TJP3: variants seen among roughly 807,000 people sequenced by gnomAD.
The protein encoded by TJP3 is tight junction protein 3, also known as tight junction protein ZO-3.
Under a neutral mutation model 104.2 loss-of-function variants are expected in TJP3, and 85 were observed. The observed-to-expected ratio is 0.82, with a 90% CI of 0.68 to 0.98. TJP3 has a LOEUF of 0.98. Among genes scored for constraint, TJP3 ranks in the 50% least tolerant of loss-of-function variants. The pLI is 0.00. For synonymous variants in TJP3, 550 were observed against 550.6 expected (o/e 1.00, Z 0.02); for missense variants, 1,367 against 1,322.8 (o/e 1.03, Z -0.52).
At chr19:3,728,289 G>C (rs1428273770) in intron 1 of TJP3, 135 bp from the exon 2 acceptor site, 1 of 1,379,424 alleles carries the variant, frequency 7.2e-7, no homozygotes. Flanking sequence ...GAGGCCCTGA[G>C]AGAGGTAGTA....
chr19:3,737,119 A>G (rs1431829809), intron 11 of TJP3, among the ~76,000 whole-genome samples: 1 of 151,946 alleles, frequency 6.6e-6, no homozygotes, highest in African/African-American at 2.4e-5. Context: ...GCCTCAAGTG[A>G]TGCACCCGCC....
In TJP3 at chr19:3,728,454, G is replaced by C. The variant is rs1240897031; in HGVS notation, c.22G>C (p.Glu8Gln). 1 of 1,613,802 alleles carries C rather than the reference G, an allele frequency of 6.2e-7. No individual in the cohort carries two copies. The highest frequency in any genetic ancestry group is 1.7e-5 in the Admixed American group (1 of 59,936). The stretch of plus-strand genomic sequence containing the variant: ...TGACATGGAGGAGCTGACCATCTGG[G>C]AACAGCACACGGCCACACTGTCCAA... MEELTIW[E>Q]QHTATLSKDP... Residue 8 changes from glutamate to glutamine, a missense_variant, in exon 2 of 21, where the codon GAA (glutamate) becomes CAA (glutamine). Coordinates refer to ENST00000541714, the MANE Select transcript of TJP3 (RefSeq NM_001267560.2).
chr19:3,741,581 C>T (rs534682653), intron 14 of TJP3, among the ~76,000 whole-genome samples: 30 of 144,882 alleles, frequency 2.1e-4, no homozygotes, highest in African/African-American at 5.6e-4. Context: ...GAGCTATGAT[C>T]GCACCACTGC....
chr19:3,747,682 C>G, intron 18 of TJP3, 112 bp from the exon 19 acceptor site: 1 of 1,326,992 alleles, frequency 7.5e-7, no homozygotes. Flanking sequence ...AGGCTCCAGG[C>G]TCCAGGCTCC....
At chr19:3,734,963 A>G (rs8100895) in intron 8 of TJP3, among the ~76,000 whole-genome samples, 38,386 of 152,030 alleles carry the variant, frequency 0.25, 5,404 homozygotes, top group East Asian at 0.36. Flanking sequence ...TTAAAAAAAA[A>G]AATTTCTTTT....
rs1024341943 is a variant in TJP3 at position 3,730,964 on chromosome 19, C to T, written c.613+258C>T. On this transcript the variant is annotated intron_variant, in intron 5 of 20. Transcript: ENST00000541714. This position sits in a 1 kb window ranked among gnomAD's most constrained non-coding sequence, Gnocchi z 7.3. ...CCATAGTGCTTGCTGGGATTGTGGG[C>T]GTGAGCCACCGCGCCCAGCCTGGAA... Among the ~76,000 whole-genome samples, 3 of 152,096 alleles carry T rather than the reference C, an allele frequency of 2.0e-5. No individual in the cohort carries two copies. The highest frequency in any genetic ancestry group is 3.2e-3 in the Middle Eastern group (1 of 316).
intron 15 of TJP3, 121 bp downstream of exon 15, chr19:3,744,155 G>GC (rs912079079): frequency 1.2e-4 from 103 of 839,220 alleles, no homozygotes; most frequent in South Asian, 7.4e-4. Context: ...GGCCACCAGT[G>GC]CCCCCCCCAA....
At chr19:3,713,092 G>A (rs1418437886) in intron 1 of TJP3, among the ~76,000 whole-genome samples, 1 of 151,960 alleles carries the variant, frequency 6.6e-6, no homozygotes, top group Non-Finnish European at 1.5e-5. Context: ...CCCCCCATGA[G>A]GTCCTCCAGC....
At position 3,712,306 on chromosome 19, in the gene TJP3, A is replaced by C. The variant is rs544815292; in HGVS notation, c.-10+3745A>C. Among the ~76,000 whole-genome samples, 3 of 152,074 alleles carry C rather than the reference A, an allele frequency of 2.0e-5. No individual in the cohort carries two copies. In the East Asian group the frequency reaches 5.8e-4, roughly 29 times the overall value. On this transcript the variant is annotated intron_variant, in intron 1 of 20. Coordinates refer to ENST00000541714, the MANE Select transcript of TJP3 (RefSeq NM_001267560.2). ...ACTCCAGCCCCAGAGACAGAGCAAG[A>C]CTCCATCTCAAAAATGTCATTCCGT...
chr19:3,726,944 G>A (rs775851461), intron 1 of TJP3, among the ~76,000 whole-genome samples: 10 of 151,762 alleles, frequency 6.6e-5, no homozygotes, highest in East Asian at 3.9e-4. Context: ...AAAATTAGCC[G>A]GGCATCGTGA....
At chr19:3,718,970 G>C (rs1314639293) in intron 1 of TJP3, among the ~76,000 whole-genome samples, 1 of 151,696 alleles carries the variant, frequency 6.6e-6, no homozygotes, top group Non-Finnish European at 1.5e-5. Context: ...GATCACCTGA[G>C]GTCAGGAGTT....
Position 3,740,681 on chromosome 19 carries a change from C to T in TJP3, c.1761C>T (p.Thr587=), listed in dbSNP as rs1251053596. The T allele has an allele frequency of 1.9e-6, 3 of 1,607,096 alleles. No homozygotes were observed. Among genetic ancestry groups the T allele is most frequent in the Admixed American group, 3.4e-5 (2 of 59,294 alleles). Reference sequence around the variant, plus strand: ...GTCTTCGTCGAGGAGCCAAGAAGACCACTCAGCGGAGCCGTGAGGACCTCT... The same window carrying T: ...GTCTTCGTCGAGGAGCCAAGAAGACTACTCAGCGGAGCCGTGAGGACCTCT... ...LRGLRRGAKK[T]TQRSREDLSA... Residue 587 remains threonine (T), a synonymous_variant, in exon 14 of 21, where the codon ACC becomes ACT. Coordinates refer to ENST00000541714, the MANE Select transcript of TJP3 (RefSeq NM_001267560.2).
rs564197159 is a variant in TJP3 at position 3,717,741 on chromosome 19, T to A, written c.-10+9180T>A. Among the ~76,000 whole-genome samples the A allele has an allele frequency of 3.9e-4, 59 of 151,884 alleles. No individual in the cohort carries two copies. In the South Asian group the frequency reaches 9.2e-3, roughly 24 times the overall value. ...GAGCCACTGCACCCTGCCTAAGATA[T>A]TTTTAAAAATTTTTGTGGATGTGGA... is the stretch of plus-strand genomic sequence containing the variant. On this transcript the variant is annotated intron_variant, in intron 1 of 20. Coordinates refer to ENST00000541714, the MANE Select transcript of TJP3 (RefSeq NM_001267560.2).
At chr19:3,709,872 G>A (rs927136706) in intron 1 of TJP3, among the ~76,000 whole-genome samples, 1 of 152,122 alleles carries the variant, frequency 6.6e-6, no homozygotes, top group African/African-American at 2.4e-5. Flanking sequence ...ATTGAGGGCC[G>A]GGCGCGGTGG....
At position 3,743,974 on chromosome 19, in the gene TJP3, G is replaced by A. The variant is rs955970013; in HGVS notation, c.1879G>A (p.Val627Met). ...GCGCCCGGTAGTGATCCTGGGACCC[G>A]TGGCCGACATTGCTATGCAGAAGTT... ...FKRPVVILGP[V>M]ADIAMQKLTA... The change falls in exon 15 of 21, where the codon GTG becomes ATG. Residue 627 changes from valine (V) to methionine (M), a missense_variant. Transcript: ENST00000541714. 18 of 1,614,044 alleles carry A rather than the reference G, an allele frequency of 1.1e-5. No individual in the cohort carries two copies. The highest frequency in any genetic ancestry group is 1.6e-4 in the Middle Eastern group (1 of 6,084).
chr19:3,733,977 C>T (rs2036704879), intron 7 of TJP3, 65 bp downstream of exon 7: 1 of 1,564,224 alleles, frequency 6.4e-7, no homozygotes, highest in Non-Finnish European at 8.7e-7. Context: ...TGGGAAGCCC[C>T]AGGCAGGGCC....
chr19:3,740,863 C>A, intron 14 of TJP3, 100 bp downstream of exon 14: 1 of 1,194,666 alleles, frequency 8.4e-7, no homozygotes, highest in Non-Finnish European at 1.1e-6. Flanking sequence ...AGTCTTGGCC[C>A]GGCGTGGTGG....
intron 1 of TJP3, among the ~76,000 whole-genome samples, chr19:3,714,296 C>T (rs2036458001): frequency 6.6e-6 from 1 of 152,004 alleles, no homozygotes; most frequent in Non-Finnish European, 1.5e-5. Flanking sequence ...GATCCTGCCT[C>T]AGCCCCCTGA....
chr19:3,748,142 C>G, intron 19 of TJP3, 61 bp downstream of exon 19: 1 of 1,464,148 alleles, frequency 6.8e-7, no homozygotes, highest in Middle Eastern at 1.8e-4. Context: ...CAGCACAGAG[C>G]AGACACACAC....
Sources: allele counts gnomAD v4.1 joint callset (sites outside exome capture counted in the v4.1 genomes callset), GRCh38; gene constraint gnomAD v4.1.1; non-coding constraint Gnocchi (gnomAD v3.1); transcripts MANE v1.5; gene names NCBI Gene and HGNC (gene_info 2026-07-23, HGNC 2026-07-21).